TMEM209: variants seen among roughly 807,000 people sequenced by gnomAD.
TMEM209 encodes testicular tissue protein Li 202.
Under a neutral mutation model 76.2 loss-of-function variants are expected in TMEM209, and 65 were observed. That is an observed-to-expected ratio of 0.85 (90% CI 0.70 to 1.05). TMEM209 has a LOEUF of 1.05. Among genes scored for constraint, TMEM209 ranks in the 50% least tolerant of loss-of-function variants. TMEM209 has a pLI of 0.00. For synonymous variants in TMEM209, 239 were observed against 237.6 expected, an observed-to-expected ratio of 1.01 and a Z score of -0.06; for missense variants, 623 against 685.5, an observed-to-expected ratio of 0.91 and a Z score of 1.02.
chr7:130,190,973 T>A lies in TMEM209; in HGVS notation c.775+1649A>T, dbSNP rs1191583394. ...ACTGCACCACTGCAACAGTGAGACCTAGTCTCAAAAAAAAAAAAAAAGTTT... is the reference window on the plus strand; with the variant it reads ...ACTGCACCACTGCAACAGTGAGACCAAGTCTCAAAAAAAAAAAAAAAGTTT... On this transcript the variant is annotated intron_variant, in intron 6 of 14. Coordinates refer to ENST00000397622, the MANE Select transcript of TMEM209 (RefSeq NM_032842.4). Among the ~76,000 whole-genome samples the A allele has an allele frequency of 3.4e-5, 5 of 148,554 alleles. No homozygotes were observed. In the East Asian group the frequency reaches 7.8e-4, roughly 23 times the overall value.
At chr7:130,204,618 G>A (rs1307920972) in intron 1 of TMEM209, among the ~76,000 whole-genome samples, 1 of 152,194 alleles carries the variant, frequency 6.6e-6, no homozygotes, top group African/African-American at 2.4e-5. Flanking sequence ...GGGATTACAG[G>A]CGTGAGCCAC....
intron 9 of TMEM209, among the ~76,000 whole-genome samples, chr7:130,179,424 GAC>G (rs1328559782): frequency 3.9e-5 from 6 of 151,946 alleles, no homozygotes; most frequent in Non-Finnish European, 7.4e-5. Flanking sequence ...TGTATAAAAA[GAC>G]ACACAATTGT....
At chr7:130,183,655 G>C (rs1258732768) in intron 8 of TMEM209, among the ~76,000 whole-genome samples, 1 of 152,188 alleles carries the variant, frequency 6.6e-6, no homozygotes, top group Non-Finnish European at 1.5e-5. Context: ...ACAGGTACTA[G>C]AGAAGGTGGG....
intron 9 of TMEM209, among the ~76,000 whole-genome samples, chr7:130,181,222 T>G (rs956447019): frequency 2.6e-5 from 4 of 152,266 alleles, no homozygotes; most frequent in Admixed American, 6.5e-5. Flanking sequence ...CATGTTCATA[T>G]TCTGTGATTC....
At chr7:130,179,095 C>T (rs1253023661) in intron 9 of TMEM209, among the ~76,000 whole-genome samples, 2 of 152,062 alleles carry the variant, frequency 1.3e-5, no homozygotes, top group Admixed American at 1.3e-4. Flanking sequence ...GCCCAAAGTA[C>T]TTTATCTTTT....
chr7:130,166,960 T>C (rs1258537819), intron 14 of TMEM209, among the ~76,000 whole-genome samples: 1 of 152,054 alleles, frequency 6.6e-6, no homozygotes, highest in Non-Finnish European at 1.5e-5. Flanking sequence ...TCCTACTACA[T>C]ATAACAACAA....
At position 130,192,840 on chromosome 7, in the gene TMEM209, A is replaced by G; in HGVS notation, c.574-17T>C. The G allele has an allele frequency of 6.2e-7, 1 of 1,604,804 alleles. No homozygotes were observed. On this transcript the variant is annotated splice_polypyrimidine_tract_variant and intron_variant, in intron 5 of 14. Transcript: ENST00000397622. Reference sequence around the variant, plus strand: ...GCTCGCCAACTATACAAAATAAAAGATCTTTACTTTATTTTTCTTTAATTG... The same window carrying G: ...GCTCGCCAACTATACAAAATAAAAGGTCTTTACTTTATTTTTCTTTAATTG...
chr7:130,197,021 G>A (rs1482432538), intron 5 of TMEM209, among the ~76,000 whole-genome samples: 1 of 152,138 alleles, frequency 6.6e-6, no homozygotes, highest in Non-Finnish European at 1.5e-5. Flanking sequence ...GAGTCTAGAA[G>A]TTTGAGACCA....
rs1393312011 is a variant in TMEM209 at position 130,166,520 on chromosome 7, A to G, written c.1632-15T>C. On this transcript the variant is annotated splice_polypyrimidine_tract_variant and intron_variant, in intron 14 of 14. Transcript: ENST00000397622. The stretch of plus-strand genomic sequence containing the variant: ...GATTAACTCTCCTATAAAGAGAAAA[A>G]AAATTTTTATTAGAATTGGTTGCCA... 3.3e-6 allele frequency: 5 copies of G among 1,497,286 alleles called. No homozygotes were observed. The African/African-American group carries it at 7.1e-5, about 21-fold the overall frequency. The allele number at this position is 1,497,286 out of a possible 1,614,324, so 92.8% of individuals were successfully genotyped here.
At chr7:130,196,187 AAAGT>A (rs1414534026) in intron 5 of TMEM209, among the ~76,000 whole-genome samples, 2 of 152,196 alleles carry the variant, frequency 1.3e-5, no homozygotes, top group South Asian at 2.1e-4. Flanking sequence ...AAAAGTCTAT[AAAGT>A]AACTGTTTCT....
At chr7:130,192,488 T>C in intron 6 of TMEM209, 134 bp downstream of exon 6, 1 of 729,886 alleles carries the variant, frequency 1.4e-6, no homozygotes, top group Non-Finnish European at 2.2e-6. Flanking sequence ...CATAAAATAA[T>C]GTTACATATA....
At chr7:130,194,696 T>C (rs1425834120) in intron 5 of TMEM209, among the ~76,000 whole-genome samples, 1 of 152,200 alleles carries the variant, frequency 6.6e-6, no homozygotes, top group South Asian at 2.1e-4. Context: ...TTACTTGATA[T>C]ACAAGAATTT....
Position 130,192,692 on chromosome 7 carries a change from G to A in TMEM209, c.705C>T (p.Tyr235=), listed in dbSNP as rs1361410192. ...VYNSPTDKED[Y]MTDLRTLDTF... is the part of the protein sequence containing the mutation. ...TATCCAAAGTTCGTAGGTCGGTCAT[G>A]TAGTCTTCTTTGTCAGTAGGTGAGT... Residue 235 remains tyrosine, a synonymous_variant, in exon 6 of 15, where the codon TAC becomes TAT. Transcript: ENST00000397622. The A allele has an allele frequency of 1.9e-6, 3 of 1,613,856 alleles. No individual in the cohort carries two copies. In the South Asian group the frequency reaches 3.3e-5, roughly 18 times the overall value.
In TMEM209 at chr7:130,205,403, C is replaced by T. The variant is rs746330873; in HGVS notation, c.-28G>A. ...CCTCTGGCCGGAAAACGCAGGCTCG[C>T]GCCACTCTCTCTGGGCATGCGCAAA... On this transcript the variant is annotated 5_prime_UTR_variant, in exon 1 of 15. Transcript: ENST00000397622. 3 of 1,613,562 alleles carry T rather than the reference C, an allele frequency of 1.9e-6. No individual in the cohort carries two copies. Among genetic ancestry groups the T allele is most frequent in the Admixed American group, 1.7e-5 (1 of 59,994 alleles).
chr7:130,178,520 A>T lies in TMEM209; in HGVS notation c.1128T>A (p.Ser376Arg). 6.2e-7 allele frequency: 1 copy of T among 1,613,308 alleles called. No homozygotes were observed. Among genetic ancestry groups the T allele is most frequent in the Non-Finnish European group, 8.5e-7 (1 of 1,179,668 alleles). Residue 376 changes from serine (S) to arginine (R), a missense_variant, in exon 10 of 15, where the codon AGT becomes AGA. By Grantham distance (110) the Ser-to-Arg change is moderately radical. Coordinates refer to ENST00000397622, the MANE Select transcript of TMEM209 (RefSeq NM_032842.4). Reference sequence around the variant, plus strand: ...GGGCAGCTTGTTTCAAGCTAGTAATACTAGCCTCTGTTAACATAAAACACA... The same window carrying T: ...GGGCAGCTTGTTTCAAGCTAGTAATTCTAGCCTCTGTTAACATAAAACACA... ...GCPELQIGEA[S>R]ITSLKQAALV... is the part of the protein sequence containing the mutation.
intron 5 of TMEM209, among the ~76,000 whole-genome samples, 170 bp from the exon 6 acceptor site, chr7:130,192,993 G>T (rs891851090): frequency 6.6e-6 from 1 of 152,146 alleles, no homozygotes; most frequent in Admixed American, 6.5e-5. Context: ...TTTGCTGGTG[G>T]GAATGCAAAA....
chr7:130,202,668 AAG>A lies in TMEM209; in HGVS notation c.200-7_200-6del, dbSNP rs758285285. The A allele has an allele frequency of 9.3e-6, 15 of 1,610,034 alleles. No individual in the cohort carries two copies. Among genetic ancestry groups the A allele is most frequent in the Non-Finnish European group, 1.2e-5 (14 of 1,178,556 alleles). Reference sequence around the variant, plus strand: ...AGAGAGATGCAAGGGCAAGCTCTGGAAGAGAACAATTTTTTTTTAATAAGGGG... The same window carrying A: ...AGAGAGATGCAAGGGCAAGCTCTGGAAGAACAATTTTTTTTTAATAAGGGG... On this transcript the variant is annotated splice_region_variant and splice_polypyrimidine_tract_variant and intron_variant, in intron 3 of 14. Transcript: ENST00000397622.
chr7:130,177,307 C>T (rs769024157), intron 10 of TMEM209, among the ~76,000 whole-genome samples: 2 of 149,278 alleles, frequency 1.3e-5, no homozygotes, highest in East Asian at 3.9e-4. Flanking sequence ...GCCAAGATTG[C>T]GCCACTGCAC....
At chr7:130,202,494 C>T in intron 4 of TMEM209, 38 bp downstream of exon 4, 3 of 1,568,124 alleles carry the variant, frequency 1.9e-6, no homozygotes, top group Non-Finnish European at 2.6e-6. Context: ...TTATTGCCAA[C>T]CTTTTCCCCA....
Sources: allele counts gnomAD v4.1 joint callset (sites outside exome capture counted in the v4.1 genomes callset), GRCh38; gene constraint gnomAD v4.1.1; transcripts MANE v1.5; gene names NCBI Gene and HGNC (gene_info 2026-07-23, HGNC 2026-07-21).